Variants in ANO1 observed in about 807,000 individuals in gnomAD.
The protein encoded by ANO1 is anoctamin-1.
ANO1 carries 59 observed loss-of-function variants against 124.0 expected under a neutral mutation model. That is an observed-to-expected ratio of 0.48 (90% confidence interval 0.39 to 0.59). The LOEUF (loss-of-function observed/expected upper bound fraction) is 0.59. Ranked by LOEUF, ANO1 falls within the 20% of genes least tolerant of loss-of-function variation. The probability of loss-of-function intolerance (pLI) is 0.00; values close to 1 mark genes in which losing one functional copy is unlikely to be tolerated. For synonymous variants in ANO1, 529 were observed against 532.0 expected, an observed-to-expected ratio of 0.99 and a Z score of 0.08; for missense variants, 1,059 against 1,328.0, an observed-to-expected ratio of 0.80 and a Z score of 3.15.
intron 1 of ANO1, chr11:70,073,005 C>T (rs1389844664): frequency 1.3e-5 from 2 of 152,260 alleles, no homozygotes; most frequent in African/African-American, 4.8e-5. Context: ...CCTTGTCTCC[C>T]TGGAGTGGCA....
chr11:70,140,405 C>T (rs1410337994), intron 11 of ANO1, among the ~76,000 whole-genome samples: 1 of 152,038 alleles, frequency 6.6e-6, no homozygotes, highest in Non-Finnish European at 1.5e-5. Flanking sequence ...GTGGCAGGTA[C>T]CTGTAATCCC....
intron 1 of ANO1, among the ~76,000 whole-genome samples, chr11:70,007,339 C>T (rs567468423): frequency 2.7e-5 from 4 of 146,564 alleles, no homozygotes; most frequent in Middle Eastern, 3.6e-3. Flanking sequence ...TGCAGTGGCG[C>T]GATCTCAGCT....
intron 12 of ANO1, 129 bp downstream of exon 12, chr11:70,149,921 C>A (rs1208949813): frequency 2.1e-6 from 2 of 944,344 alleles, no homozygotes; most frequent in Non-Finnish European, 1.6e-6. Flanking sequence ...GCAAGGCCGC[C>A]CCCCATCCCC....
intron 11 of ANO1, among the ~76,000 whole-genome samples, chr11:70,140,627 G>A (rs549889303): frequency 3.0e-4 from 45 of 152,254 alleles, no homozygotes; most frequent in African/African-American, 1.0e-3. Context: ...GAGGAGGACC[G>A]TGCCTACCCT....
intron 13 of ANO1, 136 bp downstream of exon 13, chr11:70,152,597 C>T: frequency 9.7e-7 from 1 of 1,035,846 alleles, no homozygotes; most frequent in South Asian, 1.4e-5. Flanking sequence ...TGCTTTCTCC[C>T]CACCTCCGGT....
At chr11:69,976,362 C>T in the ANO1 span, among the ~76,000 whole-genome samples, 2 of 151,842 alleles carry the variant, frequency 1.3e-5, no homozygotes, top group Non-Finnish European at 2.9e-5. Flanking sequence ...AAAAAATTAG[C>T]GGTGCACGGT....
At chr11:70,110,459 T>TA (rs917647124) in intron 6 of ANO1, among the ~76,000 whole-genome samples, 3 of 152,158 alleles carry the variant, frequency 2.0e-5, no homozygotes, top group Admixed American at 6.5e-5. Flanking sequence ...GTGCTGGGAT[T>TA]ACAGGCGTGA....
chr11:70,003,119 GT>G (rs1221500066), intron 1 of ANO1, among the ~76,000 whole-genome samples: 1 of 152,092 alleles, frequency 6.6e-6, no homozygotes, highest in Non-Finnish European at 1.5e-5. Context: ...ATAAAGAATT[GT>G]TTTTATCACT....
intron 1 of ANO1, among the ~76,000 whole-genome samples, chr11:70,068,137 C>T (rs72947397): frequency 0.026 from 3,938 of 152,262 alleles, 174 homozygotes; most frequent in Non-Finnish European, 0.029. Flanking sequence ...GTGGCAGTGG[C>T]CTCAGCAGCT....
intron 8 of ANO1, among the ~76,000 whole-genome samples, chr11:70,118,975 T>C (rs2046123979): frequency 1.4e-5 from 2 of 141,558 alleles, no homozygotes; most frequent in African/African-American, 2.7e-5. Flanking sequence ...AATGGGTAGA[T>C]GGATGGATGG....
chr11:70,163,151 G>GA, intron 18 of ANO1, 132 bp from the exon 19 acceptor site: 1 of 885,794 alleles, frequency 1.1e-6, no homozygotes, highest in Non-Finnish European at 1.7e-6. Context: ...ACCAGGCAGG[G>GA]AGAGCCGCCT....
At chr11:70,153,510 C>T (rs962662021) in intron 14 of ANO1, among the ~76,000 whole-genome samples, 1 of 152,196 alleles carries the variant, frequency 6.6e-6, no homozygotes, top group South Asian at 2.1e-4. Context: ...TCACAGTACA[C>T]CCCTCCTGTT....
chr11:70,151,644 G>A (rs1162105882), intron 12 of ANO1, among the ~76,000 whole-genome samples: 5 of 152,154 alleles, frequency 3.3e-5, no homozygotes, highest in Non-Finnish European at 4.4e-5. Context: ...GATAACCGAA[G>A]TCACTGGGCA....
At chr11:70,073,632 G>A (rs373061550), upstream of ANO1, among the ~76,000 whole-genome samples, 3 of 152,296 alleles carry the variant, frequency 2.0e-5, no homozygotes, top group East Asian at 5.8e-4. Context: ...AGGAGCAGAG[G>A]TGAGGGATGC....
In ANO1 at chr11:70,094,317, C is replaced by T. The variant is rs570447404; in HGVS notation, c.441+6233C>T. ...GACAGGGAAGGGCAGCCATTTCTTG[C>T]CATTTCCCATGGAGGCCTTGTGGAT... On this transcript the variant is annotated intron_variant, in intron 2 of 25. Coordinates refer to ENST00000355303, the MANE Select transcript of ANO1 (RefSeq NM_018043.7). 7.3e-4 allele frequency among the ~76,000 whole-genome samples: 111 copies of T among 152,318 alleles called. 2 individuals are homozygous for T. The South Asian group carries it at 0.023, about 31-fold the overall frequency.
chr11:70,087,987 C>T lies in ANO1; in HGVS notation c.344C>T (p.Pro115Leu). 2 of 1,569,174 alleles carry T rather than the reference C, an allele frequency of 1.3e-6. No homozygotes were observed. The highest frequency in any genetic ancestry group is 1.7e-6 in the Non-Finnish European group (2 of 1,156,398). ...GASLDAGSGEPPMDYHEDDKR... is the reference protein window; with the variant it reads ...GASLDAGSGELPMDYHEDDKR... Reference sequence around the variant, plus strand: ...TCGCTGGATGCAGGCTCGGGGGAGCCCCCGATGGACTACCACGAGGATGAC... The same window carrying T: ...TCGCTGGATGCAGGCTCGGGGGAGCTCCCGATGGACTACCACGAGGATGAC... The change falls in exon 2 of 26, where the codon CCC becomes CTC. Residue 115 changes from proline to leucine, a missense_variant. By Grantham distance (98) the Pro-to-Leu change is moderately conservative. Coordinates refer to ENST00000355303, the MANE Select transcript of ANO1 (RefSeq NM_018043.7).
chr11:70,094,211 G>T (rs927783814), intron 2 of ANO1, among the ~76,000 whole-genome samples: 2 of 152,114 alleles, frequency 1.3e-5, no homozygotes, highest in Non-Finnish European at 2.9e-5. Context: ...GAAGAGAAGG[G>T]TCTCCCTGCA....
intron 1 of ANO1, among the ~76,000 whole-genome samples, chr11:70,003,222 A>C (rs1446471817): frequency 1.3e-5 from 2 of 152,240 alleles, no homozygotes; most frequent in Non-Finnish European, 2.9e-5. Flanking sequence ...ACTTACCACC[A>C]AAATGGCTAA....
rs1034797147 is a variant in ANO1, at chr11:70,137,146, A to G, written c.1258+5067A>G. Among the ~76,000 whole-genome samples the G allele has an allele frequency of 6.1e-5, 9 of 147,492 alleles. 1 individual carries two copies. The highest frequency in any genetic ancestry group is 1.9e-4 in the African/African-American group (8 of 41,248). On this transcript the variant is annotated intron_variant, in intron 11 of 25. Transcript: ENST00000355303. ...GGGGATCAAAATGTATCGTAAATTT[A>G]GAATTATAAATGTAGGGTCAGCAGC...
Sources: allele counts gnomAD v4.1 joint callset (sites outside exome capture counted in the v4.1 genomes callset), GRCh38; gene constraint gnomAD v4.1.1; transcripts MANE v1.5; gene names NCBI Gene and HGNC (gene_info 2026-07-23, HGNC 2026-07-21).